The following CMIP variants were observed in gnomAD, a reference collection of about 807,000 sequenced individuals.
CMIP encodes the protein C-Maf-inducing protein.
A neutral mutation model predicts 97.3 loss-of-function variants in CMIP; 13 were observed. The ratio of observed to expected loss-of-function variants is 0.13; its 90% confidence interval spans 0.09 to 0.21. The LOEUF is 0.21. Among genes scored for constraint, CMIP ranks in the 10% least tolerant of loss-of-function variants. The probability of loss-of-function intolerance (pLI) is 1.00; values close to 1 mark genes in which losing one functional copy is unlikely to be tolerated. For missense variants in CMIP, 847 were observed against 1,024.9 expected (o/e 0.83, Z 2.37); for synonymous variants, 538 against 436.3 (o/e 1.23, Z -2.91).
At chr16:81,620,787 G>C in intron 2 of CMIP, 89 bp from the exon 3 acceptor site, 1 of 1,491,506 alleles carries the variant, frequency 6.7e-7, no homozygotes, top group Non-Finnish European at 9.3e-7. Context: ...CTACAGAGCA[G>C]GCTTGGGGGC....
At chr16:81,695,120 A>G (rs1022372858) in intron 13 of CMIP, among the ~76,000 whole-genome samples, 2 of 152,202 alleles carry the variant, frequency 1.3e-5, no homozygotes, top group African/African-American at 2.4e-5. Context: ...AATGTGCATG[A>G]GGCCCCGAGT....
intron 1 of CMIP, among the ~76,000 whole-genome samples, chr16:81,501,519 A>G (rs1315331399): frequency 6.6e-6 from 1 of 152,054 alleles, no homozygotes; most frequent in Non-Finnish European, 1.5e-5. Context: ...GGGGAGAGAA[A>G]ATGCGGTAGC....
At chr16:81,454,749 G>A (rs1270964099) in intron 1 of CMIP, among the ~76,000 whole-genome samples, 1 of 152,224 alleles carries the variant, frequency 6.6e-6, no homozygotes, top group African/African-American at 2.4e-5. Flanking sequence ...ATTGAACAAA[G>A]CACATTGCTT....
chr16:81,667,799 A>AGAGAGAGAGAGAGAGTGTGTGTGTGT, intron 7 of CMIP, among the ~76,000 whole-genome samples: 11 of 58,132 alleles, frequency 1.9e-4, no homozygotes, highest in Admixed American at 4.2e-4. Flanking sequence ...AGAGAGAGAG[A>AGAGAGAGAGAGAGAGTGTGTGTGTGT]GTGTGTGTGT....
rs541299811 is a variant in CMIP at position 81,629,525 on chromosome 16, G to A, written c.477+8599G>A. 1.2e-4 allele frequency among the ~76,000 whole-genome samples: 18 copies of A among 152,272 alleles called. 1 individual carries two copies. Among genetic ancestry groups the A allele is most frequent in the African/African-American group, 3.6e-4 (15 of 41,544 alleles). ...AACCCCACCCCACCTCCGTTTGCCC[G>A]TCTAACCCCGTCTTGGCCACCTTCC... On this transcript the variant is annotated intron_variant, in intron 3 of 20. Transcript: ENST00000537098.
intron 1 of CMIP, among the ~76,000 whole-genome samples, chr16:81,501,541 TG>T (rs2089612362): frequency 6.9e-6 from 1 of 145,884 alleles, no homozygotes; most frequent in African/African-American, 2.5e-5. Flanking sequence ...GGGGGTGGAG[TG>T]GGGTCGGGGG....
chr16:81,692,295 G>A (rs184170175), intron 11 of CMIP, among the ~76,000 whole-genome samples: 8 of 152,328 alleles, frequency 5.3e-5, no homozygotes, highest in South Asian at 2.1e-4. Context: ...AATTACGCCC[G>A]GTACAACGCT....
At chr16:81,704,160 T>G in intron 18 of CMIP, 75 bp downstream of exon 18, 3 of 1,155,350 alleles carry the variant, frequency 2.6e-6, no homozygotes, top group Non-Finnish European at 2.3e-6. Flanking sequence ...TATTCCCCCG[T>G]ACCATCTTCC....
chr16:81,647,886 C>T (rs866427224), intron 3 of CMIP, among the ~76,000 whole-genome samples: 10 of 151,538 alleles, frequency 6.6e-5, no homozygotes, highest in Middle Eastern at 6.8e-3. Flanking sequence ...GCCTGCAGCC[C>T]GCACCCACAA....
intron 15 of CMIP, among the ~76,000 whole-genome samples, 185 bp from the exon 16 acceptor site, chr16:81,701,475 C>G (rs950522300): frequency 6.6e-6 from 1 of 152,212 alleles, no homozygotes; most frequent in Non-Finnish European, 1.5e-5. Flanking sequence ...AGTGCGTGGT[C>G]ACTGGTGCTA....
At chr16:81,458,680 C>G (rs1486723642) in intron 1 of CMIP, among the ~76,000 whole-genome samples, 3 of 152,154 alleles carry the variant, frequency 2.0e-5, no homozygotes, top group Non-Finnish European at 4.4e-5. Context: ...CAGTCCTTCC[C>G]TAAAACAGGA....
At chr16:81,479,476 A>C (rs939614519) in intron 1 of CMIP, among the ~76,000 whole-genome samples, 2 of 152,102 alleles carry the variant, frequency 1.3e-5, no homozygotes, top group East Asian at 1.9e-4. Flanking sequence ...CTCAAACTGA[A>C]ACTGTCCCCA....
chr16:81,621,237 G>A lies in CMIP; in HGVS notation c.477+311G>A, dbSNP rs2091988677. On this transcript the variant is annotated intron_variant, in intron 3 of 20. Coordinates refer to ENST00000537098, the MANE Select transcript of CMIP (RefSeq NM_198390.3). This position sits in a 1 kb window ranked among gnomAD's most constrained non-coding sequence, Gnocchi z 4.1. ...GCGACCCTGAGGGGAGTCCAGCCGG[G>A]GAGGCTGGACTTCAGGGGCTCAAGA... 4.3e-6 allele frequency: 1 copy of A among 234,382 alleles called. No individual in the cohort carries two copies. Among genetic ancestry groups the A allele is most frequent in the Non-Finnish European group, 8.4e-6 (1 of 118,678 alleles). 14.5% of individuals were successfully genotyped at this position (234,382 alleles called of 1,614,324 possible). A position where few individuals can be genotyped will look rare whatever the true frequency, so the allele number is the denominator to read the frequency against.
At chr16:81,544,665 AAT>A (rs1346096462) in intron 1 of CMIP, among the ~76,000 whole-genome samples, 1 of 150,692 alleles carries the variant, frequency 6.6e-6, no homozygotes, top group Non-Finnish European at 1.5e-5. Flanking sequence ...TGTATGTTTG[AAT>A]ATGTGTGGTG....
chr16:81,642,878 AGAGT>A (rs1286649942), intron 3 of CMIP, among the ~76,000 whole-genome samples: 4 of 151,976 alleles, frequency 2.6e-5, no homozygotes, highest in African/African-American at 9.7e-5. Context: ...CCTGGGTAAC[AGAGT>A]GAGACTCCAT....
At chr16:81,705,906 G>A (rs1198302290) in intron 19 of CMIP, among the ~76,000 whole-genome samples, 2 of 152,198 alleles carry the variant, frequency 1.3e-5, no homozygotes, top group African/African-American at 2.4e-5. Context: ...GTTCAAGGAC[G>A]GGGCTGTAGT....
chr16:81,450,238 G>A (rs1906124747), intron 1 of CMIP, among the ~76,000 whole-genome samples: 1 of 152,206 alleles, frequency 6.6e-6, no homozygotes, highest in Non-Finnish European at 1.5e-5. Context: ...GACATTGCAG[G>A]GGGTCAGCTT....
intron 1 of CMIP, among the ~76,000 whole-genome samples, chr16:81,528,343 G>T (rs545797961): frequency 1.2e-4 from 18 of 151,970 alleles, no homozygotes; most frequent in Non-Finnish European, 2.1e-4. Context: ...TGGCTCCCCA[G>T]TCCACCATTG....
intron 10 of CMIP, among the ~76,000 whole-genome samples, chr16:81,686,254 A>T (rs1905372904): frequency 6.6e-6 from 1 of 152,192 alleles, no homozygotes; most frequent in South Asian, 2.1e-4. Context: ...ATTCTTCTGG[A>T]GGGAAGACAA....
Sources: allele counts gnomAD v4.1 joint callset (sites outside exome capture counted in the v4.1 genomes callset), GRCh38; gene constraint gnomAD v4.1.1; non-coding constraint Gnocchi (gnomAD v3.1); transcripts MANE v1.5; gene names NCBI Gene and HGNC (gene_info 2026-07-23, HGNC 2026-07-21).